The following SYT6 variants were observed in gnomAD, a reference collection of about 807,000 sequenced individuals.
SYT6 encodes the protein synaptotagmin 6.
In SYT6, 24 loss-of-function variants were observed where a neutral mutation model predicts 38.4. That is an observed-to-expected ratio of 0.62 (90% CI 0.45 to 0.88). The LOEUF is 0.88. Ranked by LOEUF, SYT6 falls within the 40% of genes least tolerant of loss-of-function variation. SYT6 has a pLI of 0.00. For synonymous variants in SYT6, 265 were observed against 241.9 expected (o/e 1.10, Z -0.89); for missense variants, 611 against 621.0 (o/e 0.98, Z 0.17).
chr1:114,137,459 A>G, intron 3 of SYT6, 36 bp downstream of exon 3: 1 of 1,584,160 alleles, frequency 6.3e-7, no homozygotes. Context: ...CAGAACCACA[A>G]ATCCTCAAGA....
chr1:114,114,102 C>T (rs746255163), intron 3 of SYT6, among the ~76,000 whole-genome samples: 3 of 152,190 alleles, frequency 2.0e-5, no homozygotes, highest in Non-Finnish European at 4.4e-5. Flanking sequence ...CTTCCTCCAG[C>T]GCCTCCCTCT....
chr1:114,108,741 C>T (rs1011278473), intron 3 of SYT6, among the ~76,000 whole-genome samples: 4 of 152,176 alleles, frequency 2.6e-5, no homozygotes, highest in African/African-American at 9.7e-5. Flanking sequence ...TTCTCCAAGG[C>T]CAGTCATGTT....
At chr1:114,128,824 T>TA (rs773866117) in intron 3 of SYT6, among the ~76,000 whole-genome samples, 8 of 152,248 alleles carry the variant, frequency 5.3e-5, no homozygotes, top group Non-Finnish European at 1.2e-4. Context: ...CATAAATTGT[T>TA]AGAGTACCTC....
intron 3 of SYT6, among the ~76,000 whole-genome samples, chr1:114,110,673 G>A (rs1010511304): frequency 1.2e-4 from 18 of 152,142 alleles, no homozygotes; most frequent in Non-Finnish European, 2.4e-4. Context: ...GGCAGGGGCC[G>A]GGAGAAAGTG....
chr1:114,111,247 C>T (rs1444236723), intron 3 of SYT6, among the ~76,000 whole-genome samples: 2 of 152,200 alleles, frequency 1.3e-5, no homozygotes, highest in African/African-American at 4.8e-5. Flanking sequence ...ATGTGCTGTC[C>T]TGCCCTAAGT....
intron 1 of SYT6, among the ~76,000 whole-genome samples, chr1:114,147,379 G>A (rs1283513112): frequency 6.6e-6 from 1 of 152,240 alleles, no homozygotes; most frequent in Non-Finnish European, 1.5e-5. Context: ...TTGAAATTTG[G>A]GGAAAAGAAG....
chr1:114,093,776 G>A lies in SYT6; in HGVS notation c.*10C>T, dbSNP rs759895519. The A allele has an allele frequency of 6.8e-6, 11 of 1,613,906 alleles. No homozygotes were observed. Among genetic ancestry groups the A allele is most frequent in the East Asian group, 6.7e-5 (3 of 44,880 alleles). ...CAGTCTCTCTGCTTGCAGCATCCACGTGAATGAAATCACAACCGAGGGTTT... is the reference window on the plus strand; with the variant it reads ...CAGTCTCTCTGCTTGCAGCATCCACATGAATGAAATCACAACCGAGGGTTT... On this transcript the variant is annotated 3_prime_UTR_variant, in exon 7 of 8. Transcript: ENST00000610222.
At chr1:114,124,581 C>T (rs1447501296) in intron 3 of SYT6, among the ~76,000 whole-genome samples, 2 of 152,168 alleles carry the variant, frequency 1.3e-5, no homozygotes, top group Non-Finnish European at 2.9e-5. Flanking sequence ...AAGTGCTGCT[C>T]CTCACTTTGT....
intron 5 of SYT6, among the ~76,000 whole-genome samples, chr1:114,098,217 T>C (rs1296708046): frequency 2.6e-5 from 4 of 152,198 alleles, no homozygotes; most frequent in Non-Finnish European, 4.4e-5. Flanking sequence ...GAGACATCAG[T>C]ATTTGCAAAT....
chr1:114,140,384 CT>C (rs1371872537), intron 1 of SYT6, among the ~76,000 whole-genome samples: 1 of 152,148 alleles, frequency 6.6e-6, no homozygotes, highest in Admixed American at 6.5e-5. Flanking sequence ...AAAGCTGCTA[CT>C]ATGGCCAGAC....
At position 114,116,474 on chromosome 1, in the gene SYT6, CCT is replaced by C. The variant is rs149521445; in HGVS notation, c.1072-12755_1072-12754del. Among the ~76,000 whole-genome samples, 951 of 152,268 alleles carry C rather than the reference CCT, an allele frequency of 6.2e-3. 6 individuals are homozygous for C. The highest frequency in any genetic ancestry group is 0.022 in the African/African-American group (916 of 41,552). The stretch of plus-strand genomic sequence containing the variant: ...AGTTTTGAGCCAGTGAAGTGTTTCC[CCT>C]GTCTCCTGTAAAGGTGTAGTTATAT... On this transcript the variant is annotated intron_variant, in intron 3 of 7. Coordinates refer to ENST00000610222, the MANE Select transcript of SYT6 (RefSeq NM_001253772.2).
rs1447013941 is a variant in SYT6, at chr1:114,127,758, G to A, written c.1071+9737C>T. Among the ~76,000 whole-genome samples, 3 of 152,360 alleles carry A rather than the reference G, an allele frequency of 2.0e-5. No homozygotes were observed. In the East Asian group the frequency reaches 5.8e-4, roughly 29 times the overall value. On this transcript the variant is annotated intron_variant, in intron 3 of 7. Transcript: ENST00000610222. ...AGAGGTCCCACCCATCTCTGCATTG[G>A]CAGGAGTGGAAGGAATAAACTGTGA...
chr1:114,129,551 CTTTTTTTCTTTCT>C (rs1212570666), intron 3 of SYT6, among the ~76,000 whole-genome samples: 29 of 141,144 alleles, frequency 2.1e-4, no homozygotes, highest in Non-Finnish European at 3.0e-4. Flanking sequence ...TTTTTTCTGT[CTTTTTTTCTTTCT>C]TTTCTTTCTT....
chr1:114,110,029 T>G (rs1676582194), intron 3 of SYT6, among the ~76,000 whole-genome samples: 2 of 152,162 alleles, frequency 1.3e-5, no homozygotes, highest in South Asian at 4.1e-4. Flanking sequence ...AGCTCCCAGA[T>G]GAGGCTAGAA....
At chr1:114,112,175 C>T (rs1261842515) in intron 3 of SYT6, among the ~76,000 whole-genome samples, 2 of 152,188 alleles carry the variant, frequency 1.3e-5, no homozygotes, top group East Asian at 3.9e-4. Context: ...ACTCAGTATA[C>T]TCCAGCTTCA....
At chr1:114,102,624 A>G (rs1676036145) in intron 4 of SYT6, among the ~76,000 whole-genome samples, 1 of 152,058 alleles carries the variant, frequency 6.6e-6, no homozygotes, top group South Asian at 2.1e-4. Flanking sequence ...AAATATGAGG[A>G]AAAATCTTTA....
At chr1:114,140,734 T>C (rs888072450) in intron 1 of SYT6, among the ~76,000 whole-genome samples, 3 of 152,248 alleles carry the variant, frequency 2.0e-5, no homozygotes, top group African/African-American at 7.2e-5. Flanking sequence ...ACAGATCCTG[T>C]ATTTTTTACA....
At chr1:114,141,327 T>G (rs1678853491) in intron 1 of SYT6, among the ~76,000 whole-genome samples, 1 of 152,240 alleles carries the variant, frequency 6.6e-6, no homozygotes, top group South Asian at 2.1e-4. Flanking sequence ...ACAGTCTTAT[T>G]GCTGATGTGA....
intron 6 of SYT6, among the ~76,000 whole-genome samples, chr1:114,095,631 C>T (rs987135139): frequency 6.6e-6 from 1 of 151,898 alleles, no homozygotes; most frequent in Non-Finnish European, 1.5e-5. Flanking sequence ...TACCAAGGAA[C>T]CCAAAGACCA....
Sources: allele counts gnomAD v4.1 joint callset (sites outside exome capture counted in the v4.1 genomes callset), GRCh38; gene constraint gnomAD v4.1.1; transcripts MANE v1.5; gene names NCBI Gene and HGNC (gene_info 2026-07-23, HGNC 2026-07-21).